BANK1: variants seen among roughly 807,000 people sequenced by gnomAD.
BANK1 encodes the protein B-cell scaffold protein with ankyrin repeats.
In BANK1, 95 loss-of-function variants were observed where a neutral mutation model predicts 94.5. The ratio of observed to expected loss-of-function variants is 1.00; its 90% CI spans 0.85 to 1.19. The LOEUF (loss-of-function observed/expected upper bound fraction) is 1.19. Among genes scored for constraint, BANK1 ranks in the 50% most tolerant of loss-of-function variants. The probability of loss-of-function intolerance (pLI) is 0.00; values close to 1 mark genes in which losing one functional copy is unlikely to be tolerated. For synonymous variants in BANK1, 334 were observed against 308.4 expected (o/e 1.08, Z -0.87); for missense variants, 987 against 932.2 (o/e 1.06, Z -0.77).
intron 2 of BANK1, among the ~76,000 whole-genome samples, chr4:101,843,421 T>C (rs1727131925): frequency 1.3e-5 from 2 of 152,230 alleles, no homozygotes; most frequent in African/African-American, 4.8e-5. Context: ...CCTTTTGATC[T>C]CTGGGATGTA....
At chr4:101,876,000 C>G (rs1252705010) in intron 5 of BANK1, among the ~76,000 whole-genome samples, 2 of 152,092 alleles carry the variant, frequency 1.3e-5, no homozygotes. Flanking sequence ...AGACCCCTTC[C>G]CTCTGCTTTA....
At chr4:101,905,077 G>A (rs1722404167) in intron 6 of BANK1, among the ~76,000 whole-genome samples, 1 of 152,180 alleles carries the variant, frequency 6.6e-6, no homozygotes, top group Non-Finnish European at 1.5e-5. Flanking sequence ...GGCACAATCA[G>A]GAACTGTGCT....
At chr4:101,874,883 T>A (rs1728430293) in intron 5 of BANK1, among the ~76,000 whole-genome samples, 1 of 152,058 alleles carries the variant, frequency 6.6e-6, no homozygotes, top group African/African-American at 2.4e-5. Context: ...GCTTAAAAAG[T>A]GGGGAAAACA....
intron 4 of BANK1, among the ~76,000 whole-genome samples, chr4:101,867,175 T>TTAAAAAAAAAAAAAAAAAAAAAAAATA (rs1728105111): frequency 2.9e-5 from 1 of 34,222 alleles, no homozygotes; most frequent in Non-Finnish European, 5.2e-5. Context: ...TAAAAAAAAT[T>TTAAAAAAAAAAAAAAAAAAAAAAAATA]TAAAAAAAAA....
intron 1 of BANK1, among the ~76,000 whole-genome samples, chr4:101,803,389 G>T (rs887370488): frequency 6.6e-6 from 1 of 152,088 alleles, no homozygotes; most frequent in Non-Finnish European, 1.5e-5. Flanking sequence ...GAGTAGTGGG[G>T]CACACACAAT....
At chr4:101,865,417 C>T (rs979315695) in intron 4 of BANK1, among the ~76,000 whole-genome samples, 6 of 152,200 alleles carry the variant, frequency 3.9e-5, no homozygotes, top group African/African-American at 1.4e-4. Flanking sequence ...ATGAATCCCA[C>T]CAGGTTTTTA....
intron 7 of BANK1, among the ~76,000 whole-genome samples, chr4:101,947,309 A>ATATATATATGTATG (rs1176507515): frequency 4.4e-5 from 3 of 67,862 alleles, no homozygotes; most frequent in African/African-American, 1.3e-4. Context: ...ATATATATAT[A>ATATATATATGTATG]TATGTATATG....
At chr4:102,057,762 C>T (rs1408040031) in intron 11 of BANK1, among the ~76,000 whole-genome samples, 2 of 152,106 alleles carry the variant, frequency 1.3e-5, no homozygotes, top group Non-Finnish European at 1.5e-5. Flanking sequence ...CATGGTATAT[C>T]TGGCATGGAT....
intron 6 of BANK1, among the ~76,000 whole-genome samples, chr4:101,914,791 C>T (rs756597985): frequency 6.6e-6 from 1 of 152,086 alleles, no homozygotes; most frequent in Non-Finnish European, 1.5e-5. Flanking sequence ...TAAGGCATGC[C>T]ACTGCTTTCA....
chr4:101,852,518 A>G (rs1264653735), intron 2 of BANK1, among the ~76,000 whole-genome samples: 3 of 141,768 alleles, frequency 2.1e-5, no homozygotes, highest in African/African-American at 7.8e-5. Context: ...ACACACATAT[A>G]GTCTATTCTC....
intron 8 of BANK1, among the ~76,000 whole-genome samples, chr4:102,024,105 A>G (rs1727001903): frequency 6.6e-6 from 1 of 152,222 alleles, no homozygotes; most frequent in East Asian, 1.9e-4. Flanking sequence ...ACAAAAAAAG[A>G]AAATTCCATA....
intron 13 of BANK1, among the ~76,000 whole-genome samples, chr4:102,067,379 A>G (rs1471806141): frequency 6.6e-6 from 1 of 152,084 alleles, no homozygotes; most frequent in Non-Finnish European, 1.5e-5. Flanking sequence ...TGGAAACAAA[A>G]GCAATATCCA....
Position 101,915,099 on chromosome 4 carries a change from G to T in BANK1, c.1010-2894G>T, listed in dbSNP as rs546065557. Among the ~76,000 whole-genome samples the T allele has an allele frequency of 2.6e-5, 4 of 152,252 alleles. No homozygotes were observed. The East Asian group carries it at 7.7e-4, about 29-fold the overall frequency. Reference sequence around the variant, plus strand: ...ACAAATTTTGTGAGTAAATGAATTTGCACAAACAGAATTCCCAAATAATGA... The same window carrying T: ...ACAAATTTTGTGAGTAAATGAATTTTCACAAACAGAATTCCCAAATAATGA... On this transcript the variant is annotated intron_variant, in intron 6 of 16. Coordinates refer to ENST00000322953, the MANE Select transcript of BANK1 (RefSeq NM_017935.5).
chr4:101,830,245 T>C (rs199585646), intron 2 of BANK1, 39 bp downstream of exon 2: 7 of 128,398 alleles, frequency 5.5e-5, no homozygotes, highest in African/African-American at 2.3e-4. Flanking sequence ...TTTTTATTTG[T>C]TTTTTTTTTT....
chr4:101,880,323 A>T (rs1466474846), intron 5 of BANK1, among the ~76,000 whole-genome samples: 4 of 152,040 alleles, frequency 2.6e-5, no homozygotes, highest in East Asian at 1.9e-4. Context: ...AAATAAAAAA[A>T]AGTCCCATTT....
chr4:101,945,620 T>C (rs935853868), intron 7 of BANK1, among the ~76,000 whole-genome samples: 1 of 151,892 alleles, frequency 6.6e-6, no homozygotes, highest in African/African-American at 2.4e-5. Flanking sequence ...GAGTTGAACA[T>C]GTGGGCTACA....
At chr4:102,027,611 T>C (rs959947075) in intron 9 of BANK1, among the ~76,000 whole-genome samples, 8 of 151,198 alleles carry the variant, frequency 5.3e-5, no homozygotes, top group African/African-American at 2.0e-4. Flanking sequence ...CTTTGGCTAG[T>C]GATACCTTCA....
Position 101,959,191 on chromosome 4 carries a change from G to A in BANK1, c.1206+41002G>A, listed in dbSNP as rs1724478631. On this transcript the variant is annotated intron_variant, in intron 7 of 16. Transcript: ENST00000322953. ...TCACTCTGTCGCCCAGGCTGCTGGA[G>A]TGCAATGGCGCAATTTCAGCTCACT... is the stretch of plus-strand genomic sequence containing the variant. 2.0e-5 allele frequency among the ~76,000 whole-genome samples: 3 copies of A among 151,956 alleles called. 1 individual carries two copies. Among genetic ancestry groups the A allele is most frequent in the South Asian group, 4.2e-4 (2 of 4,810 alleles).
chr4:101,795,472 A>G (rs1046120807), intron 1 of BANK1, among the ~76,000 whole-genome samples: 1 of 152,120 alleles, frequency 6.6e-6, no homozygotes, highest in African/African-American at 2.4e-5. Flanking sequence ...ATGATTCTAT[A>G]AAATCATTGA....
Sources: gnomAD v4.1 joint callset for allele counts (sites outside exome capture counted in the v4.1 genomes callset) on GRCh38, gnomAD v4.1.1 for gene constraint, MANE v1.5 for transcripts, NCBI Gene and HGNC (gene_info 2026-07-23, HGNC 2026-07-21) for gene names.